SHB: variants seen among roughly 807,000 people sequenced by gnomAD.
SHB encodes the protein SH2 domain containing adaptor protein B.
Under a neutral mutation model 52.3 loss-of-function variants are expected in SHB, and 20 were observed. The observed-to-expected ratio is 0.38, with a 90% CI of 0.27 to 0.56. The LOEUF (loss-of-function observed/expected upper bound fraction) is 0.56. Among genes scored for constraint, SHB ranks in the 20% least tolerant of loss-of-function variants. SHB has a pLI of 0.71. For missense variants in SHB, 825 were observed against 723.3 expected (o/e 1.14, Z -1.61); for synonymous variants, 397 against 316.5 (o/e 1.25, Z -2.70).
Position 37,919,599 on chromosome 9 carries a change from G to A in SHB, c.*222C>T. 1 of 431,318 alleles carries A rather than the reference G, an allele frequency of 2.3e-6. No individual in the cohort carries two copies. Among genetic ancestry groups the A allele is most frequent in the Non-Finnish European group, 4.1e-6 (1 of 242,306 alleles). The allele number at this position is 431,318 out of a possible 1,614,324, so 26.7% of individuals were successfully genotyped here. ...CACAGAAACTCAAGGAGAGGGTGGG[G>A]GTGGGGGCTGGGGTGGTGTGTTGCC... On this transcript the variant is annotated 3_prime_UTR_variant, in exon 6 of 6. Coordinates refer to ENST00000377707, the MANE Select transcript of SHB (RefSeq NM_003028.3).
chr9:37,949,960 A>G lies in SHB; in HGVS notation c.1227-1206T>C, dbSNP rs1053651171. ...TGCTTTTCTTTCTTTTTTTTGAGACAGGGTCTCACCCCGTCACCCAGGCTG... is the reference window on the plus strand; with the variant it reads ...TGCTTTTCTTTCTTTTTTTTGAGACGGGGTCTCACCCCGTCACCCAGGCTG... On this transcript the variant is annotated intron_variant, in intron 4 of 5. Coordinates refer to ENST00000377707, the MANE Select transcript of SHB (RefSeq NM_003028.3). Among the ~76,000 whole-genome samples the G allele has an allele frequency of 2.6e-5, 4 of 152,024 alleles. No individual in the cohort carries two copies. The South Asian group carries it at 6.2e-4, about 24-fold the overall frequency.
chr9:37,921,643 T>C (rs367563681), intron 5 of SHB, among the ~76,000 whole-genome samples: 5 of 152,376 alleles, frequency 3.3e-5, no homozygotes, highest in South Asian at 4.1e-4. Flanking sequence ...TTACAGAGCC[T>C]GTGGCAAGTT....
intron 5 of SHB, among the ~76,000 whole-genome samples, chr9:37,926,890 C>T (rs931747458): frequency 9.8e-5 from 15 of 152,358 alleles, no homozygotes; most frequent in African/African-American, 3.1e-4. Flanking sequence ...CAATTACTCA[C>T]CCAGAGCCCA....
intron 5 of SHB, among the ~76,000 whole-genome samples, chr9:37,947,891 A>G (rs930303457): frequency 6.6e-6 from 1 of 152,192 alleles, no homozygotes; most frequent in Non-Finnish European, 1.5e-5. Flanking sequence ...CCAGCTCTCT[A>G]TATGTCCTTG....
Position 37,960,498 on chromosome 9 carries a change from T to C in SHB, c.1055-4444A>G, listed in dbSNP as rs918692477. Among the ~76,000 whole-genome samples the C allele has an allele frequency of 2.0e-5, 3 of 152,176 alleles. 1 individual carries two copies. The highest frequency in any genetic ancestry group is 4.1e-4 in the South Asian group (2 of 4,822). On this transcript the variant is annotated intron_variant, in intron 3 of 5. Transcript: ENST00000377707. The stretch of plus-strand genomic sequence containing the variant: ...AAAGTAAGACTCAGAGCTGTGCAGG[T>C]TGAGGCTCTGGGAGCCCTTCTGACT...
chr9:38,036,318 C>T (rs959287273), intron 1 of SHB, among the ~76,000 whole-genome samples: 1 of 152,138 alleles, frequency 6.6e-6, no homozygotes, highest in Non-Finnish European at 1.5e-5. Flanking sequence ...CACATTTTAA[C>T]CAAAATTGCT....
At chr9:38,039,345 T>C (rs939392938) in intron 1 of SHB, among the ~76,000 whole-genome samples, 2 of 152,234 alleles carry the variant, frequency 1.3e-5, no homozygotes, top group African/African-American at 4.8e-5. Flanking sequence ...ATAAGCACAA[T>C]TGAAAGCCTA....
intron 2 of SHB, among the ~76,000 whole-genome samples, chr9:37,985,524 C>T (rs1030970805): frequency 1.3e-5 from 2 of 152,256 alleles, no homozygotes; most frequent in Non-Finnish European, 2.9e-5. Context: ...TGCGTTCTGG[C>T]GCCATCCCCC....
intron 2 of SHB, among the ~76,000 whole-genome samples, chr9:37,977,452 T>C (rs1400576130): frequency 1.3e-5 from 2 of 152,210 alleles, no homozygotes; most frequent in African/African-American, 4.8e-5. Context: ...GCACCTAATA[T>C]CACATCTATG....
chr9:37,947,911 T>C (rs1263477639), intron 5 of SHB, among the ~76,000 whole-genome samples: 1 of 152,234 alleles, frequency 6.6e-6, no homozygotes, highest in African/African-American at 2.4e-5. Flanking sequence ...GGCAAATCCC[T>C]TCTTTTTCTG....
At position 37,917,209 on chromosome 9, in the gene SHB, A is replaced by C. The variant is rs997477301; in HGVS notation, c.*2612T>G. Among the ~76,000 whole-genome samples the C allele has an allele frequency of 1.3e-5, 2 of 152,192 alleles. No homozygotes were observed. ...GAGGAAGAAGAGGGAGAGGTTCATAAAATTAAGGGAAAAAAATTCTTTTCA... is the reference window on the plus strand; with the variant it reads ...GAGGAAGAAGAGGGAGAGGTTCATACAATTAAGGGAAAAAAATTCTTTTCA... On this transcript the variant is annotated 3_prime_UTR_variant, in exon 6 of 6. Transcript: ENST00000377707.
intron 5 of SHB, among the ~76,000 whole-genome samples, chr9:37,922,593 G>A (rs971497036): frequency 3.3e-5 from 5 of 152,172 alleles, no homozygotes; most frequent in African/African-American, 1.2e-4. Flanking sequence ...TTACCACCCT[G>A]AGCCAGGCTG....
intron 1 of SHB, among the ~76,000 whole-genome samples, chr9:38,046,684 G>A (rs527516332): frequency 1.8e-4 from 27 of 152,338 alleles, no homozygotes; most frequent in African/African-American, 4.8e-4. Context: ...CCTCTAACAC[G>A]GAAGGAATTG....
intron 1 of SHB, among the ~76,000 whole-genome samples, chr9:38,018,847 T>C (rs1821249047): frequency 6.6e-6 from 1 of 152,224 alleles, no homozygotes; most frequent in South Asian, 2.1e-4. Flanking sequence ...CCAGTCCAGA[T>C]GGCCATGCAG....
At position 37,919,233 on chromosome 9, in the gene SHB, G is replaced by A. The variant is rs968454992; in HGVS notation, c.*588C>T. 1.3e-5 allele frequency: 2 copies of A among 152,784 alleles called. No homozygotes were observed. The highest frequency in any genetic ancestry group is 6.3e-3 in the Middle Eastern group (2 of 316). 9.5% of individuals were successfully genotyped at this position (152,784 alleles called of 1,614,324 possible). On this transcript the variant is annotated 3_prime_UTR_variant, in exon 6 of 6. Transcript: ENST00000377707. ...TTGAAGATAGCCTAATGATTACACT[G>A]AGTGACTACAAGTAGATCAGTGGGC...
In SHB at chr9:38,068,178, G is replaced by GGAGGAC. The variant is rs578185949; in HGVS notation, c.462_467dup (p.Ser155_Ser156dup). The GGAGGAC allele has an allele frequency of 2.0e-4, 292 of 1,425,920 alleles. No individual in the cohort carries two copies. Among genetic ancestry groups the GGAGGAC allele is most frequent in the African/African-American group, 1.6e-3 (104 of 66,808 alleles). The allele number at this position is 1,425,920 out of a possible 1,614,324, so 88.3% of individuals were successfully genotyped here. Reference sequence around the variant, plus strand: ...TGCTGCGGTAGAGATGCGGAGAGCCGGAGGACGAGGACGAGGACGCGGCGG... The same window carrying GGAGGAC: ...TGCTGCGGTAGAGATGCGGAGAGCCGGAGGACGAGGACGAGGACGAGGACGCGGCGG... On this transcript the variant is annotated inframe_insertion, in exon 1 of 6. Transcript: ENST00000377707.
chr9:37,965,872 G>A (rs1467296837), intron 3 of SHB, among the ~76,000 whole-genome samples: 2 of 152,296 alleles, frequency 1.3e-5, no homozygotes, highest in Admixed American at 6.5e-5. Context: ...ACTGAGAGTT[G>A]GGGGCACAGT....
At chr9:37,928,966 A>G (rs1360160478) in intron 5 of SHB, among the ~76,000 whole-genome samples, 1 of 152,178 alleles carries the variant, frequency 6.6e-6, no homozygotes, top group Non-Finnish European at 1.5e-5. Flanking sequence ...TGCCGAGGGG[A>G]GGACTTGGAG....
At chr9:37,931,743 T>C (rs1226772304) in intron 5 of SHB, among the ~76,000 whole-genome samples, 3 of 152,218 alleles carry the variant, frequency 2.0e-5, no homozygotes, top group Non-Finnish European at 2.9e-5. Flanking sequence ...TTTCTGGGCA[T>C]ATACCCAAAG....
Sources: gnomAD v4.1 joint callset for allele counts (sites outside exome capture counted in the v4.1 genomes callset) on GRCh38, gnomAD v4.1.1 for gene constraint, MANE v1.5 for transcripts, NCBI Gene and HGNC (gene_info 2026-07-23, HGNC 2026-07-21) for gene names.